The following ZNF462 variants were observed in gnomAD, a reference collection of about 807,000 sequenced individuals.
ZNF462 encodes zinc finger PBX1-interacting protein.
A neutral mutation model predicts 201.9 loss-of-function variants in ZNF462; 10 were observed. The observed-to-expected ratio is 0.05, with a 90% CI of 0.03 to 0.08. The LOEUF is 0.08. Ranked by LOEUF, ZNF462 falls within the 10% of genes least tolerant of loss-of-function variation. ZNF462 has a pLI of 1.00. For missense variants in ZNF462, 2,523 were observed against 3,168.3 expected (o/e 0.80, Z 4.89); for synonymous variants, 1,227 against 1,193.3 (o/e 1.03, Z -0.58).
At position 106,968,580 on chromosome 9, in the gene ZNF462, A is replaced by T. The variant is rs1300841040; in HGVS notation, c.6428-3425A>T. On this transcript the variant is annotated intron_variant, in intron 7 of 12. Transcript: ENST00000277225. This position sits in a 1 kb window ranked among gnomAD's most constrained non-coding sequence, Gnocchi z 4.0. ...GTTGGTTGGTTGGGAATGTATGGTG[A>T]TGCTAAGCCATGACCTGCTTTTAAA... is the stretch of plus-strand genomic sequence containing the variant. Among the ~76,000 whole-genome samples, 1 of 152,098 alleles carries T rather than the reference A, an allele frequency of 6.6e-6. No individual in the cohort carries two copies. The highest frequency in any genetic ancestry group is 2.4e-5 in the African/African-American group (1 of 41,386).
At chr9:106,915,931 CAG>C (rs1829753895) in intron 1 of ZNF462, among the ~76,000 whole-genome samples, 2 of 152,154 alleles carry the variant, frequency 1.3e-5, no homozygotes, top group South Asian at 4.1e-4. Flanking sequence ...GTTATTACAT[CAG>C]GGGCTGCCAC....
intron 1 of ZNF462, among the ~76,000 whole-genome samples, chr9:106,896,532 G>A (rs1828820794): frequency 6.6e-6 from 1 of 152,084 alleles, no homozygotes; most frequent in Non-Finnish European, 1.5e-5. Context: ...AGCTCCAGAA[G>A]GTAATGGGTT....
upstream of ZNF462, chr9:106,863,020 GGA>G (rs147715802): frequency 3.0e-4 from 118 of 391,954 alleles, no homozygotes; most frequent in East Asian, 4.0e-4. Flanking sequence ...ACAGAGGGAG[GGA>G]GAGAGAGAGA....
Position 106,927,728 on chromosome 9 carries a change from T to C in ZNF462, c.3816T>C (p.Tyr1272=). ...CACTCAAATGTAGGCAGTGCTCATA[T>C]ACCTCCCCCTACTTCTATGCACTGA... ...LRALKCRQCS[Y]TSPYFYALRK... Residue 1272 remains tyrosine, a synonymous_variant, in exon 3 of 13, where the codon TAT becomes TAC. Transcript: ENST00000277225. The C allele has an allele frequency of 6.2e-7, 1 of 1,614,072 alleles. No homozygotes were observed. The highest frequency in any genetic ancestry group is 1.1e-5 in the South Asian group (1 of 91,070).
In ZNF462 at chr9:106,925,660, C is replaced by T; in HGVS notation, c.1748C>T (p.Pro583Leu). Residue 583 changes from proline (P) to leucine (L), a missense_variant, in exon 3 of 13, where the codon CCA becomes CTA. This residue lies in a region of ZNF462 where 383 missense variants were observed against 453.4 expected (regional missense o/e 0.84). Transcript: ENST00000277225. This position sits in a 1 kb window ranked among gnomAD's most constrained non-coding sequence, Gnocchi z 7.9. Reference sequence around the variant, plus strand: ...CCACCCCAGCCACAAACACAGCCACCACCAACGCAGCAGCCACAGCCACCC... The same window carrying T: ...CCACCCCAGCCACAAACACAGCCACTACCAACGCAGCAGCCACAGCCACCC... ...QVPPQPQTQP[P>L]PTQQPQPPTQ... is the part of the protein sequence containing the mutation. 6.2e-7 allele frequency: 1 copy of T among 1,614,068 alleles called. No homozygotes were observed. Among genetic ancestry groups the T allele is most frequent in the Non-Finnish European group, 8.5e-7 (1 of 1,179,994 alleles).
chr9:106,950,438 T>G lies in ZNF462; in HGVS notation c.6427+11331T>G, dbSNP rs572148830. Reference sequence around the variant, plus strand: ...ATCACAAATTATTGTCCTTGTGAGTTGTGATTTTATTGTTACTCTGATTTT... The same window carrying G: ...ATCACAAATTATTGTCCTTGTGAGTGGTGATTTTATTGTTACTCTGATTTT... On this transcript the variant is annotated intron_variant, in intron 7 of 12. Coordinates refer to ENST00000277225, the MANE Select transcript of ZNF462 (RefSeq NM_021224.6). This position sits in a 1 kb window ranked among gnomAD's most constrained non-coding sequence, Gnocchi z 4.1. 6.6e-6 allele frequency among the ~76,000 whole-genome samples: 1 copy of G among 152,322 alleles called. No individual in the cohort carries two copies. The highest frequency in any genetic ancestry group is 2.1e-4 in the South Asian group (1 of 4,830).
rs1433906768 is a variant in ZNF462, at chr9:106,880,119, G to A, written c.-31+16764G>A. Among the ~76,000 whole-genome samples, 6 of 152,092 alleles carry A rather than the reference G, an allele frequency of 3.9e-5. No homozygotes were observed. In the South Asian group the frequency reaches 6.2e-4, roughly 16 times the overall value. On this transcript the variant is annotated intron_variant, in intron 1 of 12. Transcript: ENST00000277225. This position sits in a 1 kb window ranked among gnomAD's most constrained non-coding sequence, Gnocchi z 4.1. ...AGGAATGGGACAAACAGAGTTGCTC[G>A]TAACCACCAAGAGCCCTCTCAATTT...
chr9:106,963,308 C>T lies in ZNF462; in HGVS notation c.6428-8697C>T, dbSNP rs1831923572. ...TTGAGTCTGAGAATCATCTTGATAG[C>T]TCTGTGTTACACACTGTTTTAATAA... On this transcript the variant is annotated intron_variant, in intron 7 of 12. Transcript: ENST00000277225. This position sits in a 1 kb window ranked among gnomAD's most constrained non-coding sequence, Gnocchi z 4.7. Among the ~76,000 whole-genome samples, 1 of 152,052 alleles carries T rather than the reference C, an allele frequency of 6.6e-6. No homozygotes were observed. Among genetic ancestry groups the T allele is most frequent in the Non-Finnish European group, 1.5e-5 (1 of 67,964 alleles).
At chr9:106,907,498 T>C (rs1829320670) in intron 1 of ZNF462, among the ~76,000 whole-genome samples, 1 of 152,088 alleles carries the variant, frequency 6.6e-6, no homozygotes, top group African/African-American at 2.4e-5. Flanking sequence ...TTACATATAT[T>C]GCCATGAGTT....
At chr9:106,900,008 C>A (rs1828989116) in intron 1 of ZNF462, among the ~76,000 whole-genome samples, 1 of 147,808 alleles carries the variant, frequency 6.8e-6, no homozygotes, top group African/African-American at 2.5e-5. Flanking sequence ...ACTCTTCCCC[C>A]CAAGTCCCCA....
chr9:106,970,391 G>A lies in ZNF462; in HGVS notation c.6428-1614G>A, dbSNP rs1343032794. The stretch of plus-strand genomic sequence containing the variant: ...ATATTTGAGTGTTTTGCAGACAGGC[G>A]GTGGCCCAGCAATCAGGGAGGCTGC... On this transcript the variant is annotated intron_variant, in intron 7 of 12. Transcript: ENST00000277225. The surrounding 1 kb of genome is among the most constrained non-coding windows in gnomAD (Gnocchi z 4.2). Among the ~76,000 whole-genome samples, 5 of 152,168 alleles carry A rather than the reference G, an allele frequency of 3.3e-5. No homozygotes were observed. Among genetic ancestry groups the A allele is most frequent in the Admixed American group, 2.0e-4 (3 of 15,272 alleles).
rs114770432 is a variant in ZNF462, at chr9:106,879,625, C to T, written c.-31+16270C>T. ...GTCCCTTTGTGCTCAGATTTGAGAC[C>T]GGCCATCCATTCAAAGCCTGCAATC... On this transcript the variant is annotated intron_variant, in intron 1 of 12. Transcript: ENST00000277225. Among the ~76,000 whole-genome samples, 357 of 152,096 alleles carry T rather than the reference C, an allele frequency of 2.3e-3. 3 individuals carry two copies. Among genetic ancestry groups the T allele is most frequent in the African/African-American group, 8.3e-3 (345 of 41,480 alleles).
In ZNF462 at chr9:106,883,015, A is replaced by G. The variant is rs1466610032; in HGVS notation, c.-31+19660A>G. ...TGAAGATGGTCAAGCAGATTCAGAA[A>G]ACATCCTTCTTCACCTTTGACTTTA... On this transcript the variant is annotated intron_variant, in intron 1 of 12. Transcript: ENST00000277225. The surrounding 1 kb of genome is among the most constrained non-coding windows in gnomAD (Gnocchi z 4.9). Among the ~76,000 whole-genome samples the G allele has an allele frequency of 6.6e-6, 1 of 152,234 alleles. No individual in the cohort carries two copies. Among genetic ancestry groups the G allele is most frequent in the Non-Finnish European group, 1.5e-5 (1 of 68,040 alleles).
Position 106,870,132 on chromosome 9 carries a change from G to A in ZNF462, c.-31+6777G>A, listed in dbSNP as rs1189865323. 6.6e-6 allele frequency among the ~76,000 whole-genome samples: 1 copy of A among 152,190 alleles called. No individual in the cohort carries two copies. ...CAACACAAAGTTAATTATTTTCACG[G>A]CTTAGAAGGACAAAGGATAGAGTGG... On this transcript the variant is annotated intron_variant, in intron 1 of 12. Coordinates refer to ENST00000277225, the MANE Select transcript of ZNF462 (RefSeq NM_021224.6). This position sits in a 1 kb window ranked among gnomAD's most constrained non-coding sequence, Gnocchi z 4.3.
At chr9:107,007,798 G>A (rs547989912) in intron 11 of ZNF462, among the ~76,000 whole-genome samples, 3 of 152,276 alleles carry the variant, frequency 2.0e-5, no homozygotes, top group African/African-American at 7.2e-5. Flanking sequence ...TGGAAGTGTG[G>A]CCAGTGCCCA....
intron 1 of ZNF462, among the ~76,000 whole-genome samples, chr9:106,914,842 G>T (rs1396122734): frequency 1.3e-5 from 2 of 152,068 alleles, no homozygotes; most frequent in Non-Finnish European, 1.5e-5. Context: ...GTAAGGGTTG[G>T]GAGTGGTGGC....
In ZNF462 at chr9:106,865,508, A is replaced by G. The variant is rs1007484170; in HGVS notation, c.-31+2153A>G. The stretch of plus-strand genomic sequence containing the variant: ...AATAAGAATAATCCTGCAAGATCTC[A>G]GAGGAACTCTAAGACTGGCTAACAC... On this transcript the variant is annotated intron_variant, in intron 1 of 12. Transcript: ENST00000277225. The surrounding 1 kb of genome is among the most constrained non-coding windows in gnomAD (Gnocchi z 4.1). Among the ~76,000 whole-genome samples, 2 of 152,228 alleles carry G rather than the reference A, an allele frequency of 1.3e-5. No individual in the cohort carries two copies. The highest frequency in any genetic ancestry group is 1.3e-4 in the Admixed American group (2 of 15,288).
chr9:106,969,579 C>T (rs538711323), intron 7 of ZNF462, among the ~76,000 whole-genome samples: 1 of 152,074 alleles, frequency 6.6e-6, no homozygotes, highest in Non-Finnish European at 1.5e-5. Flanking sequence ...GGCTAGGAGC[C>T]GTTCATTTCT....
At chr9:106,985,085 T>C (rs1299616467) in intron 10 of ZNF462, among the ~76,000 whole-genome samples, 1 of 152,072 alleles carries the variant, frequency 6.6e-6, no homozygotes, top group Non-Finnish European at 1.5e-5. Flanking sequence ...CACTGGAGCG[T>C]GGGCGACAAA....
Sources: allele counts gnomAD v4.1 joint callset (sites outside exome capture counted in the v4.1 genomes callset), GRCh38; gene constraint gnomAD v4.1.1; regional missense constraint gnomAD v4.1.1; non-coding constraint Gnocchi (gnomAD v3.1); transcripts MANE v1.5; gene names NCBI Gene and HGNC (gene_info 2026-07-23, HGNC 2026-07-21).